The following CD72 variants were observed in gnomAD, a reference collection of about 807,000 sequenced individuals.
CD72 encodes the protein CD72 molecule, also known as B-cell differentiation antigen CD72.
A neutral mutation model predicts 50.7 loss-of-function variants in CD72; 28 were observed. That is an observed-to-expected ratio of 0.55 (90% CI 0.41 to 0.76). The LOEUF is 0.76. Ranked by LOEUF, CD72 falls within the 30% of genes least tolerant of loss-of-function variation. CD72 has a pLI of 0.00. For synonymous variants in CD72, 176 were observed against 171.2 expected, an observed-to-expected ratio of 1.03 and a Z score of -0.22; for missense variants, 403 against 420.6, an observed-to-expected ratio of 0.96 and a Z score of 0.37.
rs774244307 is a variant in CD72, at chr9:35,615,937, G to A, written c.688+6C>T. The A allele has an allele frequency of 1.9e-5, 31 of 1,608,984 alleles. No individual in the cohort carries two copies. Among genetic ancestry groups the A allele is most frequent in the East Asian group, 8.9e-5 (4 of 44,842 alleles). On this transcript the variant is annotated splice_donor_region_variant and intron_variant, in intron 5 of 8. Transcript: ENST00000259633. ...CTCCCTTCTCTCCTCTCCCCAGAGC[G>A]GATACCTGCTGAGCCGCATGTGAAG...
At chr9:35,632,093 T>C (rs536723678) in intron 1 of CD72, among the ~76,000 whole-genome samples, 3 of 152,284 alleles carry the variant, frequency 2.0e-5, no homozygotes, top group East Asian at 3.9e-4. Flanking sequence ...TGGTAATTTA[T>C]ATATTTCTTG....
chr9:35,632,284 T>TCTC (rs1823252929), intron 1 of CD72, among the ~76,000 whole-genome samples: 1 of 151,460 alleles, frequency 6.6e-6, no homozygotes, highest in African/African-American at 2.4e-5. Context: ...TTCACGCCAT[T>TCTC]CTGCCTCAGC....
chr9:35,642,194 C>T (rs1055080954), intron 1 of CD72, among the ~76,000 whole-genome samples: 5 of 152,218 alleles, frequency 3.3e-5, no homozygotes, highest in Admixed American at 2.0e-4. Flanking sequence ...CCTCTAGCGG[C>T]ACTGGTTTGA....
intron 1 of CD72, among the ~76,000 whole-genome samples, chr9:35,644,042 G>GAA (rs200019244): frequency 2.3e-5 from 3 of 130,170 alleles, no homozygotes; most frequent in African/African-American, 5.7e-5. Flanking sequence ...TCCTGAAAAG[G>GAA]AAAAAAAAAA....
chr9:35,630,747 AGT>A (rs1028775131), intron 1 of CD72, among the ~76,000 whole-genome samples: 2 of 152,270 alleles, frequency 1.3e-5, no homozygotes, highest in African/African-American at 4.8e-5. Context: ...TGTGTTCCTC[AGT>A]GTTCTCTTCT....
intron 1 of CD72, among the ~76,000 whole-genome samples, chr9:35,643,876 G>C (rs1490578255): frequency 6.6e-6 from 1 of 151,996 alleles, no homozygotes; most frequent in Non-Finnish European, 1.5e-5. Flanking sequence ...TACTCCAGAG[G>C]TTGGGAGGCT....
In CD72 at chr9:35,616,092, G is replaced by T. The variant is rs776652577; in HGVS notation, c.539C>A (p.Ala180Glu). 9.9e-6 allele frequency: 16 copies of T among 1,614,054 alleles called. No homozygotes were observed. The Admixed American group carries it at 2.2e-4, about 22-fold the overall frequency. Residue 180 changes from alanine (A) to glutamate (E), a missense_variant, in exon 5 of 9, where the codon GCG (alanine) becomes GAG (glutamate). By Grantham distance (107) the Ala-to-Glu change is moderately radical. Coordinates refer to ENST00000259633, the MANE Select transcript of CD72 (RefSeq NM_001782.3). ...ALQVEQRAHQ[A>E]AEGQLQACQA... is the part of the protein sequence containing the mutation. Reference sequence around the variant, plus strand: ...GCAGGCCTGTAGCTGCCCTTCGGCCGCCTGATGAGCCCTCTGTTCCACCTG... The same window carrying T: ...GCAGGCCTGTAGCTGCCCTTCGGCCTCCTGATGAGCCCTCTGTTCCACCTG...
chr9:35,645,672 A>G (rs1423410213), intron 1 of CD72, among the ~76,000 whole-genome samples: 2 of 152,234 alleles, frequency 1.3e-5, no homozygotes, highest in Non-Finnish European at 2.9e-5. Flanking sequence ...AAATACATAC[A>G]CCTACTATGT....
At chr9:35,635,912 A>C (rs1476169560) in intron 1 of CD72, among the ~76,000 whole-genome samples, 1 of 152,200 alleles carries the variant, frequency 6.6e-6, no homozygotes, top group Non-Finnish European at 1.5e-5. Context: ...AGTTTCCTAG[A>C]ATTCTCTTGC....
chr9:35,622,801 T>TA (rs1823157775), upstream of CD72, among the ~76,000 whole-genome samples: 2 of 144,118 alleles, frequency 1.4e-5, no homozygotes, highest in Admixed American at 1.4e-4. Context: ...AAAATAATAA[T>TA]AATAATAATA....
rs1822964241 is a variant in CD72, at chr9:35,610,586, C to G, written c.*22+16G>C. On this transcript the variant is annotated intron_variant, in intron 8 of 8. Transcript: ENST00000259633. ...CCCTGGACTCCCCATGCCTCAGCCC[C>G]ATCCCTCACTCTTACCAACTCAGTG... 1.9e-6 allele frequency: 3 copies of G among 1,603,568 alleles called. No homozygotes were observed. Among genetic ancestry groups the G allele is most frequent in the Non-Finnish European group, 1.7e-6 (2 of 1,173,376 alleles).
chr9:35,636,257 T>G (rs1282084216), intron 1 of CD72, among the ~76,000 whole-genome samples: 1 of 151,860 alleles, frequency 6.6e-6, no homozygotes, highest in Non-Finnish European at 1.5e-5. Context: ...CTGCAGGGGG[T>G]GGGGGCAAAG....
chr9:35,612,738 G>GA (rs1823005299), intron 6 of CD72, 110 bp downstream of exon 6: 1 of 986,406 alleles, frequency 1.0e-6, no homozygotes, highest in Non-Finnish European at 1.5e-6. Context: ...TTCTTCCATG[G>GA]AAAAGGAATG....
At chr9:35,628,145 A>T (rs1345815163) in intron 1 of CD72, among the ~76,000 whole-genome samples, 1 of 152,006 alleles carries the variant, frequency 6.6e-6, no homozygotes, top group African/African-American at 2.4e-5. Context: ...TCTTCTTTTT[A>T]AAAAAGAGAC....
chr9:35,639,082 A>G lies in CD72; in HGVS notation n.408+7321T>C, dbSNP rs1277349158. ...ATTTTTTTAATCTTTGGGCACAAAG[A>G]TTTGACACATTATTTCAAAAGAATA... On this transcript the variant is annotated intron_variant and non_coding_transcript_variant, in intron 1 of 3. Transcript: ENST00000465754. Among the ~76,000 whole-genome samples, 10 of 151,398 alleles carry G rather than the reference A, an allele frequency of 6.6e-5. No homozygotes were observed. The East Asian group carries it at 1.9e-3, about 29-fold the overall frequency.
rs1210383096 is a variant in CD72, at chr9:35,610,687, T to C, written c.1017A>G (p.Ser339=). The C allele has an allele frequency of 6.2e-7, 1 of 1,613,046 alleles. No homozygotes were observed. Among genetic ancestry groups the C allele is most frequent in the Non-Finnish European group, 8.5e-7 (1 of 1,178,982 alleles). The change falls in exon 8 of 9, where the codon TCA becomes TCG. Residue 339 remains serine, a synonymous_variant. Coordinates refer to ENST00000259633, the MANE Select transcript of CD72 (RefSeq NM_001782.3). Reference sequence around the variant, plus strand: ...AGGGAAGAGAACTTCTACATGACTCTGACTCCAGTGTCCACCATGACCAAG... The same window carrying C: ...AGGGAAGAGAACTTCTACATGACTCCGACTCCAGTGTCCACCATGACCAAG... ...HKTWSWWTLE[S]ESCRSSLPYI...
At chr9:35,610,569 TC>T in intron 8 of CD72, 32 bp downstream of exon 8, 9 of 1,547,706 alleles carry the variant, frequency 5.8e-6, no homozygotes, top group Non-Finnish European at 7.9e-6. Flanking sequence ...GCCCCTGGAC[TC>T]CCCATGCCTC....
Position 35,610,510 on chromosome 9 carries a change from C to T in CD72, c.*22+92G>A. On this transcript the variant is annotated intron_variant, in intron 8 of 8. Coordinates refer to ENST00000259633, the MANE Select transcript of CD72 (RefSeq NM_001782.3). ...AACTTTCATCCCAGGTACAAGTTTT[C>T]TCTCGGGCCCCTGGGCCCCTGCTCT... 3 of 793,080 alleles carry T rather than the reference C, an allele frequency of 3.8e-6. No homozygotes were observed. In the South Asian group the frequency reaches 6.3e-5, roughly 17 times the overall value. The allele number at this position is 793,080 out of a possible 1,614,324, so 49.1% of individuals were successfully genotyped here.
chr9:35,642,778 T>C lies in CD72; in HGVS notation n.408+3625A>G, dbSNP rs143745287. On this transcript the variant is annotated intron_variant and non_coding_transcript_variant, in intron 1 of 3. Transcript: ENST00000465754. Reference sequence around the variant, plus strand: ...ATTTCGCTGTACCTGGGAATCCATATTCGGCAGAAGCCTGTTATGCCAAGG... The same window carrying C: ...ATTTCGCTGTACCTGGGAATCCATACTCGGCAGAAGCCTGTTATGCCAAGG... The C allele has an allele frequency of 2.0e-5, 3 of 152,324 alleles. No individual in the cohort carries two copies. The East Asian group carries it at 5.8e-4, about 29-fold the overall frequency. The allele number at this position is 152,324 out of a possible 1,614,324, so 9.4% of individuals were successfully genotyped here. A position where few individuals can be genotyped will look rare whatever the true frequency, so the allele number is the denominator to read the frequency against.
Sources: gnomAD v4.1 joint callset for allele counts (sites outside exome capture counted in the v4.1 genomes callset) on GRCh38, gnomAD v4.1.1 for gene constraint, MANE v1.5 for transcripts, NCBI Gene and HGNC (gene_info 2026-07-23, HGNC 2026-07-21) for gene names.